Variants in ADAMTSL3 observed in about 807,000 individuals in gnomAD.
The protein encoded by ADAMTSL3 is ADAMTS like 3.
A neutral mutation model predicts 201.7 loss-of-function variants in ADAMTSL3; 128 were observed. The ratio of observed to expected loss-of-function variants is 0.63; its 90% CI spans 0.55 to 0.73. The LOEUF (loss-of-function observed/expected upper bound fraction) is 0.73. Ranked by LOEUF, ADAMTSL3 falls within the 30% of genes least tolerant of loss-of-function variation. The pLI is 0.00. For missense variants in ADAMTSL3, 1,990 were observed against 2,119.6 expected (o/e 0.94, Z 1.20); for synonymous variants, 738 against 748.4 (o/e 0.99, Z 0.23).
At chr15:83,992,493 G>A (rs909243505) in intron 23 of ADAMTSL3, among the ~76,000 whole-genome samples, 10 of 152,196 alleles carry the variant, frequency 6.6e-5, no homozygotes, top group Non-Finnish European at 1.0e-4. Context: ...ATAGCAAGGA[G>A]AAAAGCAGAA....
intron 23 of ADAMTSL3, among the ~76,000 whole-genome samples, chr15:84,007,311 T>C (rs2067912833): frequency 6.6e-6 from 1 of 152,194 alleles, no homozygotes; most frequent in East Asian, 1.9e-4. Flanking sequence ...TATTGGCTAA[T>C]AAAACCGAAA....
At chr15:83,845,046 G>A (rs1340197199) in intron 7 of ADAMTSL3, among the ~76,000 whole-genome samples, 4 of 152,178 alleles carry the variant, frequency 2.6e-5, no homozygotes, top group African/African-American at 7.2e-5. Flanking sequence ...CCCCCGATGG[G>A]CCTTTGCACC....
chr15:83,690,462 C>T (rs187739834), intron 2 of ADAMTSL3, among the ~76,000 whole-genome samples: 1 of 152,252 alleles, frequency 6.6e-6, no homozygotes, highest in African/African-American at 2.4e-5. Context: ...GTTCATTATG[C>T]CCCTGTTGTT....
At chr15:84,010,840 C>T (rs181565496) in intron 23 of ADAMTSL3, among the ~76,000 whole-genome samples, 27 of 152,308 alleles carry the variant, frequency 1.8e-4, no homozygotes, top group Admixed American at 7.8e-4. Flanking sequence ...AAGTCTGGCT[C>T]CTGCTCCTGT....
intron 25 of ADAMTSL3, among the ~76,000 whole-genome samples, chr15:84,020,467 A>G (rs2068180986): frequency 6.6e-6 from 1 of 152,238 alleles, no homozygotes; most frequent in Non-Finnish European, 1.5e-5. Context: ...TTTTAAATAA[A>G]CTGTATTCCT....
In ADAMTSL3 at chr15:84,038,946, G is replaced by T. The variant is rs189389967; in HGVS notation, c.*1140G>T. The T allele has an allele frequency of 7.9e-5, 12 of 152,528 alleles. No individual in the cohort carries two copies. The highest frequency in any genetic ancestry group is 2.6e-4 in the African/African-American group (11 of 41,574). The allele number at this position is 152,528 out of a possible 1,614,324, so 9.4% of individuals were successfully genotyped here. A position where few individuals can be genotyped will look rare whatever the true frequency, so the allele number is the denominator to read the frequency against. The stretch of plus-strand genomic sequence containing the variant: ...AGTTGTCTTTAAGGGTTAGGGTTAG[G>T]ACCAGGTTAGGTCAGGGTTGGATTG... On this transcript the variant is annotated 3_prime_UTR_variant, in exon 30 of 30. Transcript: ENST00000286744.
chr15:83,924,034 G>A lies in ADAMTSL3; in HGVS notation c.2117+1G>A, dbSNP rs1323447557. The A allele has an allele frequency of 6.2e-7, 1 of 1,613,870 alleles. No individual in the cohort carries two copies. Among genetic ancestry groups the A allele is most frequent in the Admixed American group, 1.7e-5 (1 of 59,974 alleles). On this transcript the variant is annotated splice_donor_variant, in intron 17 of 29. Transcript: ENST00000286744. LOFTEE classifies it high-confidence loss of function. Reference sequence around the variant, plus strand: ...GTAACACAGAGCCCTGTCCCCCCAGGTATGTGCTGTCTTGTGTTCCTGGTA... The same window carrying A: ...GTAACACAGAGCCCTGTCCCCCCAGATATGTGCTGTCTTGTGTTCCTGGTA...
intron 3 of ADAMTSL3, among the ~76,000 whole-genome samples, chr15:83,731,924 TGGA>T (rs1783545208): frequency 6.6e-6 from 1 of 151,896 alleles, no homozygotes; most frequent in Non-Finnish European, 1.5e-5. Context: ...TACCAGGGCC[TGGA>T]ATGGAGAGGA....
intron 10 of ADAMTSL3, 121 bp from the exon 11 acceptor site, chr15:83,889,988 T>A (rs1483419601): frequency 9.3e-7 from 1 of 1,077,470 alleles, no homozygotes; most frequent in Non-Finnish European, 1.3e-6. Flanking sequence ...AGAGCCAGGG[T>A]TGAGAACCAC....
rs759345225 is a variant in ADAMTSL3 at position 83,870,921 on chromosome 15, A to G, written c.922A>G (p.Lys308Glu). 3.7e-6 allele frequency: 6 copies of G among 1,613,446 alleles called. No homozygotes were observed. In the East Asian group the frequency reaches 1.3e-4, roughly 36 times the overall value. ...FQRGSERQTF[K>E]IPGPLMADFI... Reference sequence around the variant, plus strand: ...GAGGGGCTCCGAGAGGCAAACTTTTAAGATTCCAGGACCTCTGATGGCTGA... The same window carrying G: ...GAGGGGCTCCGAGAGGCAAACTTTTGAGATTCCAGGACCTCTGATGGCTGA... The change falls in exon 9 of 30, where the codon AAG becomes GAG. Residue 308 changes from lysine (K) to glutamate (E), a missense_variant. By Grantham distance (56) the Lys-to-Glu change is moderately conservative. Transcript: ENST00000286744.
Position 83,942,629 on chromosome 15 carries a change from T to C in ADAMTSL3, c.2151T>C (p.Ala717=). 1 of 1,613,934 alleles carries C rather than the reference T, an allele frequency of 6.2e-7. No individual in the cohort carries two copies. The highest frequency in any genetic ancestry group is 8.5e-7 in the Non-Finnish European group (1 of 1,179,954). ...WHVGSWGPCS[A]TCGVGIQTRD... ...TGGGCTCTTGGGGGCCCTGCTCAGCTACCTGTGGAGTTGGAATTCAGACCC... is the reference window on the plus strand; with the variant it reads ...TGGGCTCTTGGGGGCCCTGCTCAGCCACCTGTGGAGTTGGAATTCAGACCC... The change falls in exon 18 of 30, where the codon GCT becomes GCC. Residue 717 remains alanine, a synonymous_variant. Coordinates refer to ENST00000286744, the MANE Select transcript of ADAMTSL3 (RefSeq NM_207517.3).
At chr15:83,736,882 C>A (rs937633772) in intron 3 of ADAMTSL3, among the ~76,000 whole-genome samples, 1 of 152,122 alleles carries the variant, frequency 6.6e-6, no homozygotes, top group African/African-American at 2.4e-5. Context: ...ACAGTTTTGT[C>A]AAACAAACGG....
chr15:83,680,949 A>T (rs1184224049), intron 2 of ADAMTSL3, among the ~76,000 whole-genome samples: 3 of 152,244 alleles, frequency 2.0e-5, no homozygotes, highest in Admixed American at 2.0e-4. Context: ...ATAAAAATTT[A>T]AAACATTTTC....
intron 3 of ADAMTSL3, among the ~76,000 whole-genome samples, chr15:83,744,747 C>T (rs1285906410): frequency 1.3e-5 from 2 of 152,182 alleles, no homozygotes; most frequent in African/African-American, 4.8e-5. Context: ...CTCCCTACTA[C>T]CCTCCCCACA....
intron 29 of ADAMTSL3, 24 bp from the exon 30 acceptor site, chr15:84,037,676 C>A: frequency 6.3e-7 from 1 of 1,577,208 alleles, no homozygotes. Context: ...CTATATGTTA[C>A]AGATATTTGT....
chr15:83,688,602 A>G (rs1198855483), intron 2 of ADAMTSL3, among the ~76,000 whole-genome samples: 3 of 151,814 alleles, frequency 2.0e-5, no homozygotes, highest in South Asian at 2.1e-4. Context: ...TTTTATTCCT[A>G]TGGAATTGTT....
At chr15:83,733,840 C>T (rs947943984) in intron 3 of ADAMTSL3, among the ~76,000 whole-genome samples, 1 of 152,054 alleles carries the variant, frequency 6.6e-6, no homozygotes, top group African/African-American at 2.4e-5. Context: ...CTTTGAATGA[C>T]TTAGATAATT....
rs2067402729 is a variant in ADAMTSL3, at chr15:83,982,532, A to G, written c.2904A>G (p.Lys968=). ...GCATCACCAAGTCAGGCTCACTAAA[A>G]ATCCATGGTCTTGCTGCCCCCGACA... The part of the protein sequence containing the change: ...RLGITKSGSL[K]IHGLAAPDIG... The change falls in exon 21 of 30, where the codon AAA becomes AAG. Residue 968 remains lysine, a synonymous_variant. Coordinates refer to ENST00000286744, the MANE Select transcript of ADAMTSL3 (RefSeq NM_207517.3). 1.2e-6 allele frequency: 2 copies of G among 1,614,062 alleles called. No individual in the cohort carries two copies.
chr15:83,810,981 C>T (rs759572888), intron 5 of ADAMTSL3, among the ~76,000 whole-genome samples: 38 of 152,216 alleles, frequency 2.5e-4, no homozygotes, highest in Non-Finnish European at 4.9e-4. Flanking sequence ...TCAAGTGATC[C>T]GCCCACTTCG....
Sources: gnomAD v4.1 joint callset for allele counts (sites outside exome capture counted in the v4.1 genomes callset) on GRCh38, gnomAD v4.1.1 for gene constraint, MANE v1.5 for transcripts, NCBI Gene and HGNC (gene_info 2026-07-23, HGNC 2026-07-21) for gene names.